Variants in EIF3F observed in about 807,000 individuals in gnomAD.
EIF3F encodes eukaryotic translation initiation factor 3 subunit F.
Under a neutral mutation model 36.0 loss-of-function variants are expected in EIF3F, and 8 were observed. The ratio of observed to expected loss-of-function variants is 0.22; its 90% CI spans 0.13 to 0.40. The LOEUF (loss-of-function observed/expected upper bound fraction) is 0.40, where lower values mean the gene tolerates loss of function less well. EIF3F is among the 10% of genes least tolerant of loss of function. The probability of loss-of-function intolerance (pLI) is 1.00; values close to 1 mark genes in which losing one functional copy is unlikely to be tolerated. For synonymous variants in EIF3F, 184 were observed against 188.5 expected, an observed-to-expected ratio of 0.98 and a Z score of 0.19; for missense variants, 430 against 467.6, an observed-to-expected ratio of 0.92 and a Z score of 0.74.
rs1942196053 is a variant in EIF3F, at chr11:7,999,511, A to C, written c.*3489A>C. On this transcript the variant is annotated 3_prime_UTR_variant, in exon 8 of 8. Coordinates refer to ENST00000651655, the MANE Select transcript of EIF3F (RefSeq NM_003754.3). Reference sequence around the variant, plus strand: ...TTTGGAACTGGGCAAGCTGTTTCTAAATGTATATGGAAAAATAAAAATGTC... The same window carrying C: ...TTTGGAACTGGGCAAGCTGTTTCTACATGTATATGGAAAAATAAAAATGTC... 1 of 152,224 alleles carries C rather than the reference A, an allele frequency of 6.6e-6. No individual in the cohort carries two copies. Among genetic ancestry groups the C allele is most frequent in the South Asian group, 2.1e-4 (1 of 4,834 alleles). The allele number at this position is 152,224 out of a possible 1,614,324, so 9.4% of individuals were successfully genotyped here.
At chr11:7,991,942 C>A in intron 2 of EIF3F, 91 bp downstream of exon 2, 1 of 1,526,746 alleles carries the variant, frequency 6.5e-7, no homozygotes, top group Non-Finnish European at 9.1e-7. Context: ...ATAACTAGAG[C>A]TCCTGTAGCC....
intron 2 of EIF3F, 105 bp from the exon 3 acceptor site, chr11:7,991,979 C>A: frequency 6.7e-7 from 1 of 1,485,354 alleles, no homozygotes; most frequent in Non-Finnish European, 9.4e-7. Flanking sequence ...TTTGTACGTA[C>A]TTCCTGGGCC....
intron 1 of EIF3F, 187 bp downstream of exon 1, chr11:7,987,903 T>C: frequency 1.2e-6 from 1 of 813,246 alleles, no homozygotes; most frequent in Non-Finnish European, 1.7e-6. Context: ...CTTGCATCTC[T>C]CCTCTCTCTC....
chr11:7,992,295 A>AG, intron 3 of EIF3F, 132 bp downstream of exon 3: 1 of 803,376 alleles, frequency 1.2e-6, no homozygotes, highest in Non-Finnish European at 1.9e-6. Flanking sequence ...ACTGACTGTG[A>AG]GCAGTGGCTC....
At chr11:7,995,848 C>G in intron 7 of EIF3F, 97 bp from the exon 8 acceptor site, 1 of 919,682 alleles carries the variant, frequency 1.1e-6, no homozygotes, top group Non-Finnish European at 1.8e-6. Flanking sequence ...CCACAGCTGT[C>G]CTCATACCCA....
intron 2 of EIF3F, 95 bp downstream of exon 2, chr11:7,991,946 T>C (rs1189944953): frequency 6.6e-7 from 1 of 1,523,638 alleles, no homozygotes; most frequent in Non-Finnish European, 9.1e-7. Flanking sequence ...CTAGAGCTCC[T>C]GTAGCCAAGG....
chr11:8,001,082 T>A lies in EIF3F; in HGVS notation c.*5060T>A, dbSNP rs1267186268. 2 of 152,200 alleles carry A rather than the reference T, an allele frequency of 1.3e-5. No individual in the cohort carries two copies. The highest frequency in any genetic ancestry group is 2.4e-5 in the African/African-American group (1 of 41,448). The allele number at this position is 152,200 out of a possible 1,614,324, so 9.4% of individuals were successfully genotyped here. A position where few individuals can be genotyped will look rare whatever the true frequency, so the allele number is the denominator to read the frequency against. On this transcript the variant is annotated 3_prime_UTR_variant, in exon 8 of 8. Transcript: ENST00000651655. ...CCTACAGTTTTTTAAGGCCAGTAAT[T>A]TGATACATTAGTGTGTAAAGGATAT...
Position 7,996,603 on chromosome 11 carries a change from G to T in EIF3F, c.*581G>T. ...TTCTTAGGTGCTATCTGTAACTCGA[G>T]GATAGAGCCTTGAGTTATACTGAGG... On this transcript the variant is annotated 3_prime_UTR_variant, in exon 8 of 8. Transcript: ENST00000651655. 6.5e-6 allele frequency: 1 copy of T among 152,782 alleles called. No individual in the cohort carries two copies. Among genetic ancestry groups the T allele is most frequent in the Non-Finnish European group, 1.5e-5 (1 of 68,422 alleles). 9.5% of individuals were successfully genotyped at this position (152,782 alleles called of 1,614,324 possible).
rs552010351 is a variant in EIF3F, at chr11:7,987,475, G to A, written c.123G>A (p.Ala41=). Reference sequence around the variant, plus strand: ...CGGCTGCGGCTCCGGTTCCCGCTGCGGCTCCAGCCTCATCCTCAGACCCTG... The same window carrying A: ...CGGCTGCGGCTCCGGTTCCCGCTGCAGCTCCAGCCTCATCCTCAGACCCTG... ...PAPAAAPVPA[A]APASSSDPAA... Residue 41 remains alanine, a synonymous_variant, in exon 1 of 8, where the codon GCG becomes GCA. Coordinates refer to ENST00000651655, the MANE Select transcript of EIF3F (RefSeq NM_003754.3). 2 of 1,605,912 alleles carry A rather than the reference G, an allele frequency of 1.2e-6. No individual in the cohort carries two copies. The highest frequency in any genetic ancestry group is 2.2e-5 in the South Asian group (2 of 90,790).
At chr11:7,994,892 T>C (rs1410985542) in intron 5 of EIF3F, 90 bp from the exon 6 acceptor site, 1 of 1,558,738 alleles carries the variant, frequency 6.4e-7, no homozygotes, top group African/African-American at 1.3e-5. Context: ...TAGTAGGACG[T>C]TAAGACCATC....
intron 1 of EIF3F, among the ~76,000 whole-genome samples, chr11:7,990,002 A>G (rs1479212735): frequency 6.6e-6 from 1 of 152,228 alleles, no homozygotes; most frequent in Non-Finnish European, 1.5e-5. Flanking sequence ...CTCTTTGGGG[A>G]AGCTCCTGAG....
intron 3 of EIF3F, 67 bp downstream of exon 3, chr11:7,992,230 AC>A: frequency 7.5e-7 from 1 of 1,341,032 alleles, no homozygotes; most frequent in Admixed American, 1.8e-5. Context: ...GTCTTTTGCT[AC>A]TGGACTGGAT....
chr11:7,992,278 GT>G, intron 3 of EIF3F, 115 bp downstream of exon 3: 1 of 905,904 alleles, frequency 1.1e-6, no homozygotes, highest in Non-Finnish European at 1.7e-6. Context: ...AGTATTGCAA[GT>G]GTATTACTGA....
intron 7 of EIF3F, 93 bp from the exon 8 acceptor site, chr11:7,995,852 A>C: frequency 1.0e-6 from 1 of 956,942 alleles, no homozygotes; most frequent in East Asian, 2.4e-5. Flanking sequence ...AGCTGTCCTC[A>C]TACCCAGTGT....
chr11:7,988,551 C>T (rs1942054640), intron 1 of EIF3F, among the ~76,000 whole-genome samples: 1 of 152,202 alleles, frequency 6.6e-6, no homozygotes, highest in Non-Finnish European at 1.5e-5. Flanking sequence ...AAATTCCTTT[C>T]TGGAGACTAT....
rs766926411 is a variant in EIF3F, at chr11:7,997,752, G to A, written c.*1730G>A. The A allele has an allele frequency of 3.3e-5, 5 of 152,178 alleles. No homozygotes were observed. The highest frequency in any genetic ancestry group is 7.2e-5 in the African/African-American group (3 of 41,422). 9.4% of individuals were successfully genotyped at this position (152,178 alleles called of 1,614,324 possible). A position where few individuals can be genotyped will look rare whatever the true frequency, so the allele number is the denominator to read the frequency against. ...AGAAGTTCAAAAACAAGTGAAACTT[G>A]TTTAGACATGCGGTTGGCTGTCTGT... is the stretch of plus-strand genomic sequence containing the variant. On this transcript the variant is annotated 3_prime_UTR_variant, in exon 8 of 8. Coordinates refer to ENST00000651655, the MANE Select transcript of EIF3F (RefSeq NM_003754.3).
rs774190125 is a variant in EIF3F at position 7,987,743 on chromosome 11, C to G, written c.364+27C>G. 4 of 1,475,224 alleles carry G rather than the reference C, an allele frequency of 2.7e-6. No individual in the cohort carries two copies. The East Asian group carries it at 7.7e-5, about 28-fold the overall frequency. 91.4% of individuals were successfully genotyped at this position (1,475,224 alleles called of 1,614,324 possible). A position where few individuals can be genotyped will look rare whatever the true frequency, so the allele number is the denominator to read the frequency against. On this transcript the variant is annotated intron_variant, in intron 1 of 7. Transcript: ENST00000651655. ...TGAGTGGTCAGAGAAAGTTAACATT[C>G]TTTTCTTCCTCCCACTTCTCATTTA...
rs1942098513 is a variant in EIF3F at position 7,991,809 on chromosome 11, C to T, written c.393C>T (p.Val131=). Residue 131 remains valine (V), a synonymous_variant, in exon 2 of 8, where the codon GTC becomes GTT. Transcript: ENST00000651655. ...LGTVDKHSVE[V]TNCFSVPHNE... is the part of the protein sequence containing the mutation. ...CTGTCGACAAACACTCAGTGGAGGT[C>T]ACCAATTGCTTTTCAGTGCCGCACA... 8 of 1,614,136 alleles carry T rather than the reference C, an allele frequency of 5.0e-6. No individual in the cohort carries two copies. Among genetic ancestry groups the T allele is most frequent in the Non-Finnish European group, 5.1e-6 (6 of 1,180,018 alleles).
chr11:7,994,164 T>C (rs1422405113), intron 4 of EIF3F, among the ~76,000 whole-genome samples: 2 of 152,156 alleles, frequency 1.3e-5, no homozygotes, highest in East Asian at 1.9e-4. Context: ...TCACTGACAC[T>C]GCACCGTGTG....
Sources: allele counts gnomAD v4.1 joint callset (sites outside exome capture counted in the v4.1 genomes callset), GRCh38; gene constraint gnomAD v4.1.1; transcripts MANE v1.5; gene names NCBI Gene and HGNC (gene_info 2026-07-23, HGNC 2026-07-21).